MTHFS: variants seen among roughly 807,000 people sequenced by gnomAD.
MTHFS encodes the protein 5-formyltetrahydrofolate cyclo-ligase.
A neutral mutation model predicts 12.7 loss-of-function variants in MTHFS; 7 were observed. The observed-to-expected ratio is 0.55, with a 90% CI of 0.31 to 1.03. MTHFS has a LOEUF of 1.03. MTHFS is among the 50% of genes least tolerant of loss of function. MTHFS has a pLI of 0.05. For missense variants in MTHFS, 252 were observed against 258.1 expected (o/e 0.98, Z 0.16); for synonymous variants, 100 against 97.1 (o/e 1.03, Z -0.18).
chr15:79,882,817 C>G (rs1284094554), intron 2 of MTHFS, among the ~76,000 whole-genome samples: 2 of 152,200 alleles, frequency 1.3e-5, no homozygotes, highest in Non-Finnish European at 2.9e-5. Flanking sequence ...TATGGCTTCC[C>G]CAAAACTAGT....
At chr15:79,863,061 T>C (rs2033945400) in intron 2 of MTHFS, among the ~76,000 whole-genome samples, 1 of 152,208 alleles carries the variant, frequency 6.6e-6, no homozygotes, top group African/African-American at 2.4e-5. Flanking sequence ...ATCTCCTCTC[T>C]CTTCTGCATT....
chr15:79,890,401 G>A (rs1016559988), intron 1 of MTHFS, among the ~76,000 whole-genome samples: 8 of 151,386 alleles, frequency 5.3e-5, no homozygotes, highest in East Asian at 1.9e-4. Flanking sequence ...CTGATTTTTC[G>A]TATTTTTTGT....
intron 2 of MTHFS, among the ~76,000 whole-genome samples, chr15:79,855,243 C>T (rs1230682151): frequency 6.6e-6 from 1 of 152,108 alleles, no homozygotes; most frequent in Non-Finnish European, 1.5e-5. Flanking sequence ...ATAAAACTTA[C>T]TGGAAAAAAA....
rs974084746 is a variant in MTHFS, at chr15:79,844,715, G to A, written c.*495C>T. The stretch of plus-strand genomic sequence containing the variant: ...AGTGTCCAACATAAAATTCTAGAGT[G>A]GGTAAAGGAAGTCATGATGAAGTGA... On this transcript the variant is annotated 3_prime_UTR_variant, in exon 3 of 3. Coordinates refer to ENST00000258874, the MANE Select transcript of MTHFS (RefSeq NM_006441.4). Among the ~76,000 whole-genome samples, 3 of 152,130 alleles carry A rather than the reference G, an allele frequency of 2.0e-5. No homozygotes were observed. The highest frequency in any genetic ancestry group is 7.2e-5 in the African/African-American group (3 of 41,416).
At chr15:79,871,276 T>C (rs1254332838) in intron 2 of MTHFS, among the ~76,000 whole-genome samples, 1 of 151,878 alleles carries the variant, frequency 6.6e-6, no homozygotes, top group Non-Finnish European at 1.5e-5. Context: ...TAGAAATGAA[T>C]GCATAATTAT....
chr15:79,875,731 C>A (rs1233676784), intron 2 of MTHFS, among the ~76,000 whole-genome samples: 1 of 152,056 alleles, frequency 6.6e-6, no homozygotes, highest in Non-Finnish European at 1.5e-5. Context: ...AGGACTCCAT[C>A]AAAATCAAAA....
rs1382047353 is a variant in MTHFS, at chr15:79,845,229, T to C, written c.593A>G (p.Glu198Gly). The C allele has an allele frequency of 6.2e-7, 1 of 1,614,080 alleles. No individual in the cohort carries two copies. Among genetic ancestry groups the C allele is most frequent in the Non-Finnish European group, 8.5e-7 (1 of 1,180,026 alleles). Residue 198 changes from glutamate to glycine, a missense_variant, in exon 3 of 3, where the codon GAA (glutamate) becomes GGA (glycine). Glu to Gly is a moderately conservative substitution (Grantham distance 98). Coordinates refer to ENST00000258874, the MANE Select transcript of MTHFS (RefSeq NM_006441.4). The part of the protein sequence containing the change: ...NDMKVDEVLY[E>G]DSSTA The stretch of plus-strand genomic sequence containing the variant: ...CCAGATTTAAGCTGTTGACGAGTCT[T>C]CGTAAAGGACTTCATCTACCTTCAT...
chr15:79,854,007 T>C (rs184264711), intron 2 of MTHFS, among the ~76,000 whole-genome samples: 77 of 152,332 alleles, frequency 5.1e-4, no homozygotes, highest in African/African-American at 1.9e-3. Context: ...CCCAAAGTCA[T>C]ACAGCTAGGA....
chr15:79,884,403 T>C (rs1388783311), intron 2 of MTHFS, among the ~76,000 whole-genome samples: 4 of 152,152 alleles, frequency 2.6e-5, no homozygotes, highest in Non-Finnish European at 5.9e-5. Flanking sequence ...GCAGGAACCA[T>C]TGTTTGCCCA....
chr15:79,862,175 CCT>C (rs34031198), intron 2 of MTHFS, among the ~76,000 whole-genome samples: 8,878 of 152,102 alleles, frequency 0.058, 361 homozygotes, highest in Non-Finnish European at 0.09. Flanking sequence ...CTCTCATATC[CCT>C]GTTTTTCATT....
At chr15:79,857,644 G>C (rs917025123) in intron 2 of MTHFS, among the ~76,000 whole-genome samples, 4 of 152,076 alleles carry the variant, frequency 2.6e-5, no homozygotes, top group Admixed American at 2.6e-4. Flanking sequence ...TTTCCAGTTA[G>C]TTCCAAGTGC....
chr15:79,875,274 CA>C (rs113946253), intron 2 of MTHFS, among the ~76,000 whole-genome samples: 5,110 of 114,586 alleles, frequency 0.045, 262 homozygotes, highest in African/African-American at 0.13. Context: ...ACAAAAGCGA[CA>C]AAAAAAAAAA....
At position 79,889,074 on chromosome 15, in the gene MTHFS, C is replaced by A; in HGVS notation, c.379+19G>T. 1.2e-6 allele frequency: 2 copies of A among 1,613,002 alleles called. No individual in the cohort carries two copies. Among genetic ancestry groups the A allele is most frequent in the South Asian group, 1.1e-5 (1 of 90,996 alleles). On this transcript the variant is annotated intron_variant, in intron 2 of 2. Coordinates refer to ENST00000258874, the MANE Select transcript of MTHFS (RefSeq NM_006441.4). ...CAACTGGTCATAATCTAACAACATC[C>A]TAACACCATAATACTCACCTGTGGA...
At chr15:79,854,380 C>T (rs2033765197) in intron 2 of MTHFS, among the ~76,000 whole-genome samples, 1 of 152,210 alleles carries the variant, frequency 6.6e-6, no homozygotes, top group Non-Finnish European at 1.5e-5. Flanking sequence ...GATGAGAAGG[C>T]TGCCTGACTG....
intron 2 of MTHFS, among the ~76,000 whole-genome samples, chr15:79,867,047 C>G (rs1235348438): frequency 2.0e-5 from 3 of 152,000 alleles, no homozygotes; most frequent in African/African-American, 4.8e-5. Flanking sequence ...ACCACATACA[C>G]CAACAATTTA....
chr15:79,889,474 AG>A lies in MTHFS; in HGVS notation c.118-121del, dbSNP rs869062872. 1.5e-3 allele frequency: 1,892 copies of A among 1,221,588 alleles called. 1 individual carries two copies. The highest frequency in any genetic ancestry group is 2.2e-3 in the East Asian group (74 of 34,034). The allele number at this position is 1,221,588 out of a possible 1,614,324, so 75.7% of individuals were successfully genotyped here. A position where few individuals can be genotyped will look rare whatever the true frequency, so the allele number is the denominator to read the frequency against. On this transcript the variant is annotated intron_variant, in intron 1 of 2. Transcript: ENST00000258874. The stretch of plus-strand genomic sequence containing the variant: ...CTTTAAATATTAAAAAGAAAAAAAA[AG>A]GGGGGGGGACCAGAGTGATATAGTG...
chr15:79,872,545 G>C (rs1261877257), intron 2 of MTHFS, among the ~76,000 whole-genome samples: 1 of 152,384 alleles, frequency 6.6e-6, no homozygotes, highest in East Asian at 1.9e-4. Context: ...CCCAGAGTCA[G>C]CAAGGCAGGG....
At chr15:79,893,130 C>T (rs920752407) in intron 1 of MTHFS, among the ~76,000 whole-genome samples, 2 of 152,134 alleles carry the variant, frequency 1.3e-5, no homozygotes, top group East Asian at 1.9e-4. Flanking sequence ...CCTGGCCAGG[C>T]GTGGTGGCTC....
intron 1 of MTHFS, among the ~76,000 whole-genome samples, chr15:79,890,948 G>A (rs1050996271): frequency 3.9e-5 from 6 of 152,216 alleles, no homozygotes; most frequent in Non-Finnish European, 7.3e-5. Flanking sequence ...ATAGAAGATC[G>A]AGAGTTGAAT....
Sources: gnomAD v4.1 joint callset for allele counts (sites outside exome capture counted in the v4.1 genomes callset) on GRCh38, gnomAD v4.1.1 for gene constraint, MANE v1.5 for transcripts, NCBI Gene and HGNC (gene_info 2026-07-23, HGNC 2026-07-21) for gene names.